Variants in ZNF454 observed in about 807,000 individuals in gnomAD.
The protein encoded by ZNF454 is zinc finger protein 454.
Under a neutral mutation model 48.2 loss-of-function variants are expected in ZNF454, and 30 were observed. That is an observed-to-expected ratio of 0.62 (90% CI 0.47 to 0.84). The LOEUF (loss-of-function observed/expected upper bound fraction) is 0.84, where lower values mean the gene tolerates loss of function less well. ZNF454 is among the 40% of genes least tolerant of loss of function. The pLI, the probability that ZNF454 is intolerant of heterozygous loss-of-function variation, is 0.00. For synonymous variants in ZNF454, 204 were observed against 211.4 expected, an observed-to-expected ratio of 0.97 and a Z score of 0.30; for missense variants, 510 against 623.1, an observed-to-expected ratio of 0.82 and a Z score of 1.93.
At chr5:178,986,034 C>T in the ZNF454 span, 3 of 1,171,058 alleles carry the variant, frequency 2.6e-6, no homozygotes, top group African/African-American at 1.5e-5. Context: ...GGTGCTGGGA[C>T]TACAGGCGTG....
At chr5:178,982,691 A>AT in the ZNF454 span, 1 of 340,678 alleles carries the variant, frequency 2.9e-6, no homozygotes, top group Non-Finnish European at 5.0e-6. Context: ...AATGAAAATG[A>AT]TAAAAAAAAA....
At chr5:178,966,569 T>A (rs1247334234), downstream of ZNF454, 1 of 152,162 alleles carries the variant, frequency 6.6e-6, no homozygotes, top group Non-Finnish European at 1.5e-5. Flanking sequence ...ATTAAAAAAT[T>A]GGTTTATCAA....
the ZNF454 span, among the ~76,000 whole-genome samples, chr5:178,971,808 G>A: frequency 0.097 from 14,068 of 144,826 alleles, 905 homozygotes; most frequent in Middle Eastern, 0.2. Flanking sequence ...GTGAGCTGAG[G>A]TGGCGCCACT....
chr5:178,964,729 A>G lies in ZNF454; in HGVS notation c.325A>G (p.Thr109Ala), dbSNP rs780232283. 3 of 1,614,224 alleles carry G rather than the reference A, an allele frequency of 1.9e-6. No individual in the cohort carries two copies. Among genetic ancestry groups the G allele is most frequent in the South Asian group, 1.1e-5 (1 of 91,090 alleles). ...TCCTGAAGAAGAATTGGATCAATGG[A>G]CAATAAAGGAAAGATTCAGTAGCAG... ...EIPEEELDQW[T>A]IKERFSSSSH... Residue 109 changes from threonine to alanine, a missense_variant, in exon 5 of 5, where the codon ACA becomes GCA. Thr to Ala is a moderately conservative substitution (Grantham distance 58). Coordinates refer to ENST00000519564, the MANE Select transcript of ZNF454 (RefSeq NM_001178089.3).
At chr5:178,979,601 A>C in the ZNF454 span, 1 of 152,250 alleles carries the variant, frequency 6.6e-6, no homozygotes, top group Admixed American at 6.5e-5. Flanking sequence ...GAAACTTCAC[A>C]CTGGGGAGAA....
the ZNF454 span, chr5:178,986,479 A>G: frequency 1.9e-6 from 3 of 1,611,850 alleles, no homozygotes; most frequent in Non-Finnish European, 1.7e-6. Flanking sequence ...CAGCACGGCC[A>G]GGAGGAGCGG....
At chr5:178,987,495 C>A in the ZNF454 span, 1 of 454,876 alleles carries the variant, frequency 2.2e-6, no homozygotes, top group Non-Finnish European at 4.4e-6. Flanking sequence ...GAAGGCAGTT[C>A]TGACCCATGC....
intron 4 of ZNF454, among the ~76,000 whole-genome samples, chr5:178,949,076 GTC>G (rs1297179273): frequency 6.6e-6 from 1 of 151,848 alleles, no homozygotes; most frequent in Non-Finnish European, 1.5e-5. Context: ...TTGAGTTGGA[GTC>G]TCACTCTGTC....
the ZNF454 span, chr5:178,983,409 G>A: frequency 4.2e-6 from 3 of 707,790 alleles, no homozygotes; most frequent in Non-Finnish European, 2.6e-6. Flanking sequence ...GGCAGGGGCA[G>A]CCCAAGAGGG....
chr5:178,946,282 G>C lies in ZNF454; in HGVS notation c.34-77G>C. On this transcript the variant is annotated intron_variant, in intron 2 of 4. Transcript: ENST00000519564. The surrounding 1 kb of genome is among the most constrained non-coding windows in gnomAD (Gnocchi z 4.5). ...TCCTGTAAATGCGCACAAGCTCCTA[G>C]GGGCTGCCAGTCTCTTTTCCAGAGA... 6.3e-7 allele frequency: 1 copy of C among 1,579,388 alleles called. No homozygotes were observed. Among genetic ancestry groups the C allele is most frequent in the South Asian group, 1.2e-5 (1 of 84,834 alleles).
the ZNF454 span, chr5:178,981,295 T>G: frequency 3.7e-6 from 1 of 267,042 alleles, no homozygotes; most frequent in South Asian, 5.0e-5. This position sits in a 1 kb window ranked among gnomAD's most constrained non-coding sequence, Gnocchi z 5.1. Flanking sequence ...GTTATGGGGG[T>G]TGACTGAGGG....
intron 4 of ZNF454, among the ~76,000 whole-genome samples, chr5:178,957,105 A>G (rs982388914): frequency 4.6e-5 from 7 of 151,868 alleles, no homozygotes; most frequent in Middle Eastern, 3.2e-3. Context: ...GGTGGTCTCG[A>G]TCTCTTGACC....
intron 2 of ZNF454, among the ~76,000 whole-genome samples, chr5:178,945,695 G>A (rs78217989): frequency 6.7e-6 from 1 of 149,836 alleles, no homozygotes; most frequent in Non-Finnish European, 1.5e-5. Flanking sequence ...CTCTGTGTGT[G>A]GGGGGGTGTG....
intron 4 of ZNF454, among the ~76,000 whole-genome samples, chr5:178,963,177 G>T (rs1306212719): frequency 6.6e-6 from 1 of 151,786 alleles, no homozygotes; most frequent in Non-Finnish European, 1.5e-5. Context: ...TATAAAGTCT[G>T]CCTGGGTGAC....
downstream of ZNF454, among the ~76,000 whole-genome samples, chr5:178,970,009 CTCTCTAAGACGT>C (rs2113291827): frequency 6.6e-6 from 1 of 152,280 alleles, no homozygotes; most frequent in African/African-American, 2.4e-5. Context: ...TGACAGCGCC[CTCTCTAAGACGT>C]TACCTTCCTC....
At chr5:178,989,134 G>T in the ZNF454 span, 2 of 1,613,538 alleles carry the variant, frequency 1.2e-6, no homozygotes, top group Non-Finnish European at 1.7e-6. Flanking sequence ...TGCGTTCCTC[G>T]CCTGTCCTAG....
intron 4 of ZNF454, among the ~76,000 whole-genome samples, chr5:178,961,817 CAA>C (rs58158882): frequency 2.1e-4 from 26 of 125,656 alleles, no homozygotes; most frequent in Middle Eastern, 4.2e-3. Flanking sequence ...GACTCTGTCT[CAA>C]AAAAAAAAAA....
the ZNF454 span, chr5:178,981,410 G>C: frequency 1.9e-6 from 1 of 537,804 alleles, no homozygotes; most frequent in Non-Finnish European, 3.3e-6. The surrounding 1 kb of genome is among the most constrained non-coding windows in gnomAD (Gnocchi z 5.1). Flanking sequence ...GAACCTTCTC[G>C]GTGGCTGTTT....
At chr5:178,984,782 G>A in the ZNF454 span, among the ~76,000 whole-genome samples, 1 of 152,116 alleles carries the variant, frequency 6.6e-6, no homozygotes, top group Admixed American at 6.5e-5. Flanking sequence ...TGGCGTGTGT[G>A]GAACGAATAG....
Sources: gnomAD v4.1 joint callset for allele counts (sites outside exome capture counted in the v4.1 genomes callset) on GRCh38, gnomAD v4.1.1 for gene constraint, Gnocchi (gnomAD v3.1) non-coding constraint, MANE v1.5 for transcripts, NCBI Gene and HGNC (gene_info 2026-07-23, HGNC 2026-07-21) for gene names.